NEDD4L: variants seen among roughly 807,000 people sequenced by gnomAD.
The protein encoded by NEDD4L is NEDD4 like E3 ubiquitin protein ligase, also known as E3 ubiquitin-protein ligase NEDD4-like.
In NEDD4L, 54 loss-of-function variants were observed where a neutral mutation model predicts 148.9. The ratio of observed to expected loss-of-function variants is 0.36; its 90% CI spans 0.29 to 0.45. The LOEUF is 0.45. NEDD4L is among the 20% of genes least tolerant of loss of function. The probability of loss-of-function intolerance (pLI) is 1.00; values close to 1 mark genes in which losing one functional copy is unlikely to be tolerated. For missense variants in NEDD4L, 856 were observed against 1,233.8 expected, an observed-to-expected ratio of 0.69 and a Z score of 4.59; for synonymous variants, 433 against 440.7, an observed-to-expected ratio of 0.98 and a Z score of 0.22.
chr18:58,247,436 G>A (rs1284045075), intron 3 of NEDD4L: 1 of 152,186 alleles, frequency 6.6e-6, no homozygotes, highest in East Asian at 1.9e-4. Context: ...CTGTCTAGAA[G>A]GCTCACCAGG....
chr18:58,096,985 TAGTC>T (rs913991999), intron 1 of NEDD4L, among the ~76,000 whole-genome samples: 5 of 152,202 alleles, frequency 3.3e-5, no homozygotes, highest in Admixed American at 1.3e-4. Context: ...TATTTTGCAT[TAGTC>T]AGTTAAGGTT....
chr18:58,110,185 T>C (rs1467026290), intron 1 of NEDD4L, among the ~76,000 whole-genome samples: 1 of 152,160 alleles, frequency 6.6e-6, no homozygotes, highest in Non-Finnish European at 1.5e-5. Context: ...AAATAGCCTT[T>C]CATGTGGAGG....
At chr18:58,165,722 T>G (rs2036767087) in intron 1 of NEDD4L, 66 bp from the exon 2 acceptor site, 2 of 1,529,458 alleles carry the variant, frequency 1.3e-6, no homozygotes. Context: ...TACTTTAATA[T>G]TGGATGAGAG....
At chr18:58,144,601 G>A (rs1377405783) in intron 1 of NEDD4L, among the ~76,000 whole-genome samples, 1 of 152,004 alleles carries the variant, frequency 6.6e-6, no homozygotes, top group African/African-American at 2.4e-5. Context: ...AGGACATTTT[G>A]TCTACTGTAT....
intron 2 of NEDD4L, among the ~76,000 whole-genome samples, chr18:58,227,114 A>G (rs958565370): frequency 2.6e-5 from 4 of 152,126 alleles, no homozygotes; most frequent in Admixed American, 2.6e-4. Context: ...AGTTTTTATC[A>G]TCTTCTAACA....
intron 1 of NEDD4L, among the ~76,000 whole-genome samples, chr18:58,104,465 G>A (rs2084949692): frequency 6.6e-6 from 1 of 152,042 alleles, no homozygotes; most frequent in African/African-American, 2.4e-5. Flanking sequence ...GCGCTTAATT[G>A]TTTACTTTAA....
intron 2 of NEDD4L, among the ~76,000 whole-genome samples, chr18:58,244,749 G>A (rs1363732248): frequency 6.6e-6 from 1 of 152,182 alleles, no homozygotes; most frequent in East Asian, 1.9e-4. Context: ...AGGCTGGAGT[G>A]CAGTAGTGTG....
chr18:58,159,868 G>T (rs2035979066), intron 1 of NEDD4L, among the ~76,000 whole-genome samples: 1 of 152,164 alleles, frequency 6.6e-6, no homozygotes, highest in Non-Finnish European at 1.5e-5. Flanking sequence ...AATTAATTTA[G>T]GTAAGAGTGA....
intron 17 of NEDD4L, 53 bp downstream of exon 17, chr18:58,349,667 C>T (rs368238287): frequency 3.2e-5 from 45 of 1,397,264 alleles, no homozygotes; most frequent in East Asian, 1.8e-4. Context: ...TTCCTTTATC[C>T]GCTCAATGTT....
chr18:58,093,053 C>T (rs760941792), intron 1 of NEDD4L, among the ~76,000 whole-genome samples: 5 of 151,828 alleles, frequency 3.3e-5, no homozygotes, highest in South Asian at 4.2e-4. Context: ...TTAGTAGGGA[C>T]GGAGTATTCC....
intron 1 of NEDD4L, among the ~76,000 whole-genome samples, chr18:58,048,753 G>A (rs951301665): frequency 2.6e-5 from 4 of 152,074 alleles, no homozygotes; most frequent in Non-Finnish European, 5.9e-5. Flanking sequence ...TAAAAATCTG[G>A]CTTAATTGGG....
At chr18:58,244,828 TG>T (rs1285245189) in intron 2 of NEDD4L, among the ~76,000 whole-genome samples, 2 of 152,134 alleles carry the variant, frequency 1.3e-5, no homozygotes, top group African/African-American at 4.8e-5. Context: ...CCTGAGTAGC[TG>T]GGATTACAGG....
intron 23 of NEDD4L, among the ~76,000 whole-genome samples, chr18:58,372,847 AGAG>A (rs1282636710): frequency 2.1e-4 from 14 of 67,794 alleles, no homozygotes; most frequent in African/African-American, 3.8e-4. Context: ...AAAAAAAAAA[AGAG>A]AGAGAGAAAA....
At chr18:58,063,685 C>A (rs1331700536) in intron 1 of NEDD4L, among the ~76,000 whole-genome samples, 1 of 151,560 alleles carries the variant, frequency 6.6e-6, no homozygotes, top group African/African-American at 2.4e-5. Context: ...CCTGCCTCAG[C>A]CTCCCGAGTA....
At chr18:58,155,861 G>T (rs563435) in intron 1 of NEDD4L, among the ~76,000 whole-genome samples, 75,275 of 151,846 alleles carry the variant, frequency 0.5, 18,952 homozygotes, top group East Asian at 0.64. Context: ...GTTGCACATG[G>T]ACTGTTCTCC....
intron 3 of NEDD4L, 143 bp from the exon 4 acceptor site, chr18:58,248,756 G>T: frequency 1.9e-6 from 1 of 535,572 alleles, no homozygotes; most frequent in East Asian, 3.2e-5. Context: ...TGGTTTGTAC[G>T]CTAGTCTCAA....
intron 1 of NEDD4L, among the ~76,000 whole-genome samples, chr18:58,079,113 A>T (rs2083312369): frequency 6.6e-6 from 1 of 152,118 alleles, no homozygotes; most frequent in Non-Finnish European, 1.5e-5. Flanking sequence ...AGCTGCAGAT[A>T]ACCAGCAGGT....
chr18:58,318,360 A>G (rs538820979), intron 6 of NEDD4L, among the ~76,000 whole-genome samples: 9 of 152,360 alleles, frequency 5.9e-5, no homozygotes, highest in South Asian at 2.1e-4. Context: ...GTTAAAGACC[A>G]GCCTTGGCAA....
chr18:58,188,174 C>T (rs1248988346), intron 2 of NEDD4L, among the ~76,000 whole-genome samples: 1 of 152,160 alleles, frequency 6.6e-6, no homozygotes, highest in South Asian at 2.1e-4. Flanking sequence ...CCCAGGCCAC[C>T]CCACAGGACG....
Sources: allele counts gnomAD v4.1 joint callset (sites outside exome capture counted in the v4.1 genomes callset), GRCh38; gene constraint gnomAD v4.1.1; transcripts MANE v1.5; gene names NCBI Gene and HGNC (gene_info 2026-07-23, HGNC 2026-07-21).